The following PRR35 variants were observed in gnomAD, a reference collection of about 807,000 sequenced individuals.
PRR35 encodes proline rich 35.
A neutral mutation model predicts 18.6 loss-of-function variants in PRR35; 14 were observed. The ratio of observed to expected loss-of-function variants is 0.75; its 90% CI spans 0.50 to 1.18. PRR35 has a LOEUF of 1.18. Among genes scored for constraint, PRR35 ranks in the 50% most tolerant of loss-of-function variants. The pLI is 0.00. For synonymous variants in PRR35, 425 were observed against 378.2 expected, an observed-to-expected ratio of 1.12 and a Z score of -1.43; for missense variants, 832 against 792.2, an observed-to-expected ratio of 1.05 and a Z score of -0.60.
rs747782968 is a variant in PRR35 at position 563,925 on chromosome 16, G to A, written c.631G>A (p.Val211Ile). The change falls in exon 2 of 3, where the codon GTC becomes ATC. Residue 211 changes from valine (V) to isoleucine (I), a missense_variant. Physicochemically the swap from Val to Ile is conservative, Grantham distance 29. Coordinates refer to ENST00000409413, the MANE Select transcript of PRR35 (RefSeq NM_145270.3). Reference protein sequence around the residue: ...AHSLHLSLLGVNYPLSPGLFS... With the variant: ...AHSLHLSLLGINYPLSPGLFS... Reference sequence around the variant, plus strand: ...CAGCCTCCACCTGTCTCTGCTGGGCGTCAACTACCCGCTCAGCCCCGGCCT... The same window carrying A: ...CAGCCTCCACCTGTCTCTGCTGGGCATCAACTACCCGCTCAGCCCCGGCCT... The A allele has an allele frequency of 3.0e-5, 47 of 1,592,470 alleles. No homozygotes were observed. The highest frequency in any genetic ancestry group is 8.0e-5 in the South Asian group (7 of 87,800).
chr16:562,522 C>T lies in PRR35; in HGVS notation c.-39-734C>T, dbSNP rs564795137. 1.4e-3 allele frequency among the ~76,000 whole-genome samples: 171 copies of T among 122,368 alleles called. 5 individuals carry two copies. The South Asian group carries it at 0.022, about 15-fold the overall frequency. 80.3% of individuals were successfully genotyped at this position (122,368 alleles called of 152,430 possible). On this transcript the variant is annotated intron_variant, in intron 1 of 2. Coordinates refer to ENST00000409413, the MANE Select transcript of PRR35 (RefSeq NM_145270.3). The stretch of plus-strand genomic sequence containing the variant: ...GCACAGAGGCACATGCACACACAGG[C>T]GCACACACGTGTGCACACACACGCA...
Position 560,500 on chromosome 16 carries a change from G to A in PRR35, c.-201G>A. ...GGACCCGGGAGGTCCGGCTCCCGGC[G>A]CCGGGCCTCAGTTTCCCCCACGGGA... On this transcript the variant is annotated 5_prime_UTR_variant, in exon 1 of 3. Coordinates refer to ENST00000409413, the MANE Select transcript of PRR35 (RefSeq NM_145270.3). The A allele has an allele frequency of 1.0e-6, 1 of 982,776 alleles. No individual in the cohort carries two copies. Among genetic ancestry groups the A allele is most frequent in the Non-Finnish European group, 1.2e-6 (1 of 828,864 alleles). The allele number at this position is 982,776 out of a possible 1,614,324, so 60.9% of individuals were successfully genotyped here. A position where few individuals can be genotyped will look rare whatever the true frequency, so the allele number is the denominator to read the frequency against.
chr16:560,038 G>A (rs997666146), upstream of PRR35, among the ~76,000 whole-genome samples: 3 of 152,158 alleles, frequency 2.0e-5, no homozygotes, highest in Non-Finnish European at 4.4e-5. Flanking sequence ...CCATCACGCC[G>A]CGGCGGGGAC....
Position 564,395 on chromosome 16 carries a change from C to G in PRR35, c.1082+19C>G, listed in dbSNP as rs775489161. On this transcript the variant is annotated intron_variant, in intron 2 of 2. Coordinates refer to ENST00000409413, the MANE Select transcript of PRR35 (RefSeq NM_145270.3). ...GGAGCAGGTGGGCGTCTTGGGCTCCCGGTTCCTGGGGTGGACGGAGGGGCT... is the reference window on the plus strand; with the variant it reads ...GGAGCAGGTGGGCGTCTTGGGCTCCGGGTTCCTGGGGTGGACGGAGGGGCT... The G allele has an allele frequency of 5.0e-6, 8 of 1,589,266 alleles. No individual in the cohort carries two copies. The highest frequency in any genetic ancestry group is 6.8e-6 in the Non-Finnish European group (8 of 1,175,942).
In PRR35 at chr16:563,719, C is replaced by T. The variant is rs1310397026; in HGVS notation, c.425C>T (p.Pro142Leu). 5 of 1,542,096 alleles carry T rather than the reference C, an allele frequency of 3.2e-6. No individual in the cohort carries two copies. Among genetic ancestry groups the T allele is most frequent in the Non-Finnish European group, 4.4e-6 (5 of 1,148,186 alleles). Residue 142 changes from proline (P) to leucine (L), a missense_variant, in exon 2 of 3, where the codon CCC (proline) becomes CTC (leucine). Physicochemically the swap from Pro to Leu is moderately conservative, Grantham distance 98. Transcript: ENST00000409413. ...SRAKGSPGPP[P>L]PVARATRKGP... Reference sequence around the variant, plus strand: ...GCCAAGGGGTCCCCAGGGCCACCACCCCCTGTGGCTAGGGCCACCCGGAAG... The same window carrying T: ...GCCAAGGGGTCCCCAGGGCCACCACTCCCTGTGGCTAGGGCCACCCGGAAG...
chr16:565,202 C>T lies in PRR35; in HGVS notation c.1611C>T (p.Asp537=). The change falls in exon 3 of 3, where the codon GAC becomes GAT. Residue 537 remains aspartate, a synonymous_variant. Transcript: ENST00000409413. ...PPGLPLAAPD[D]PVIPGSGWGT... ...GGCTCCCCCTCGCAGCCCCAGATGA[C>T]CCTGTCATTCCTGGCAGTGGCTGGG... The T allele has an allele frequency of 6.2e-7, 1 of 1,610,868 alleles. No individual in the cohort carries two copies. Among genetic ancestry groups the T allele is most frequent in the Non-Finnish European group, 8.5e-7 (1 of 1,179,094 alleles).
intron 2 of PRR35, 31 bp from the exon 3 acceptor site, chr16:564,643 T>C: frequency 6.7e-7 from 1 of 1,495,658 alleles, no homozygotes; most frequent in Non-Finnish European, 8.9e-7. Context: ...GTGGGGGCAG[T>C]GCGGCCTCCT....
chr16:560,391 G>A (rs995501167), upstream of PRR35: 141 of 982,996 alleles, frequency 1.4e-4, no homozygotes, highest in Non-Finnish European at 1.7e-4. Context: ...CGCCTCTGCC[G>A]CCAACTTCGG....
chr16:561,276 C>T (rs1373919982), intron 1 of PRR35, among the ~76,000 whole-genome samples: 3 of 152,226 alleles, frequency 2.0e-5, no homozygotes, highest in Non-Finnish European at 4.4e-5. Context: ...GCTGCTGAGA[C>T]AGCCCCTTGG....
chr16:561,808 C>T, intron 1 of PRR35: 2 of 985,228 alleles, frequency 2.0e-6, no homozygotes, highest in Non-Finnish European at 2.4e-6. Context: ...CTGCGTGTGT[C>T]CTGGGGAGTC....
chr16:560,161 G>A (rs2035409204), upstream of PRR35, among the ~76,000 whole-genome samples: 1 of 151,110 alleles, frequency 6.6e-6, no homozygotes, highest in Non-Finnish European at 1.5e-5. Context: ...TCCGCTCTCC[G>A]TCCGCTGCCT....
chr16:565,427 A>C lies in PRR35; in HGVS notation c.*120A>C. On this transcript the variant is annotated 3_prime_UTR_variant, in exon 3 of 3. Coordinates refer to ENST00000409413, the MANE Select transcript of PRR35 (RefSeq NM_145270.3). ...TCCGCATGCATGTGGATAGACCCCC[A>C]CGGGCCGTGGCCAACGCTTGTCCCT... 1.8e-6 allele frequency: 2 copies of C among 1,097,462 alleles called. No individual in the cohort carries two copies. The highest frequency in any genetic ancestry group is 2.4e-6 in the Non-Finnish European group (2 of 824,820). 68.0% of individuals were successfully genotyped at this position (1,097,462 alleles called of 1,614,324 possible).
chr16:563,588 C>T lies in PRR35; in HGVS notation c.294C>T (p.Pro98=), dbSNP rs764156179. 19 of 1,598,316 alleles carry T rather than the reference C, an allele frequency of 1.2e-5. No homozygotes were observed. Among genetic ancestry groups the T allele is most frequent in the South Asian group, 3.3e-5 (3 of 89,852 alleles). ...CAGACCGCCCTGGGGAGTCCGACCC[C>T]GGCAGGCAACCCCAGGGAGCACGGC... The part of the protein sequence containing the change: ...PTPDRPGESD[P]GRQPQGARPT... The change falls in exon 2 of 3, where the codon CCC becomes CCT. Residue 98 remains proline, a synonymous_variant. Transcript: ENST00000409413.
rs1036851106 is a variant in PRR35, at chr16:565,055, G to A, written c.1464G>A (p.Glu488=). 1.3e-6 allele frequency: 2 copies of A among 1,594,644 alleles called. No homozygotes were observed. The highest frequency in any genetic ancestry group is 1.1e-5 in the South Asian group (1 of 88,946). ...QALGEAWGRP[E]LGPVLTGGTP... is the part of the protein sequence containing the mutation. Reference sequence around the variant, plus strand: ...TTGGAGAGGCGTGGGGGCGGCCCGAGCTGGGTCCCGTGTTGACCGGGGGCA... The same window carrying A: ...TTGGAGAGGCGTGGGGGCGGCCCGAACTGGGTCCCGTGTTGACCGGGGGCA... Residue 488 remains glutamate, a synonymous_variant, in exon 3 of 3, where the codon GAG becomes GAA. Transcript: ENST00000409413.
At chr16:560,384 C>T (rs2035412762), upstream of PRR35, 2 of 982,842 alleles carry the variant, frequency 2.0e-6, no homozygotes, top group Non-Finnish European at 1.2e-6. Flanking sequence ...GCGCGCCCGC[C>T]TCTGCCGCCA....
At position 563,270 on chromosome 16, in the gene PRR35, C is replaced by T. The variant is rs369474381; in HGVS notation, c.-25C>T. 142 of 1,576,258 alleles carry T rather than the reference C, an allele frequency of 9.0e-5. No homozygotes were observed. The highest frequency in any genetic ancestry group is 1.1e-4 in the Non-Finnish European group (127 of 1,164,784). On this transcript the variant is annotated 5_prime_UTR_variant, in exon 2 of 3. Coordinates refer to ENST00000409413, the MANE Select transcript of PRR35 (RefSeq NM_145270.3). ...CCCATCTACAGGTGGCCATGGTGCC[C>T]GGCCCTGCCTCATAGCAGGCTGCCA...
In PRR35 at chr16:564,780, G is replaced by A. The variant is rs550524536; in HGVS notation, c.1189G>A (p.Val397Met). Residue 397 changes from valine (V) to methionine (M), a missense_variant, in exon 3 of 3, where the codon GTG becomes ATG. Physicochemically the swap from Val to Met is conservative, Grantham distance 21. Around this residue, in one of 3 missense-constraint regions of PRR35, gnomAD observed 768 missense variants for 704.1 expected, o/e 1.09. Coordinates refer to ENST00000409413, the MANE Select transcript of PRR35 (RefSeq NM_145270.3). ...GPLPLQPRGP[V>M]PGSPEHVGED... is the part of the protein sequence containing the mutation. ...CCTCCCCCTGCAGCCACGGGGCCCA[G>A]TGCCAGGAAGCCCGGAGCATGTGGG... 55 of 1,546,356 alleles carry A rather than the reference G, an allele frequency of 3.6e-5. No individual in the cohort carries two copies. The African/African-American group carries it at 5.6e-4, about 16-fold the overall frequency.
chr16:562,165 G>A (rs368731814), intron 1 of PRR35, among the ~76,000 whole-genome samples: 4 of 152,234 alleles, frequency 2.6e-5, no homozygotes, highest in East Asian at 1.9e-4. Flanking sequence ...AGTGTGGCGC[G>A]CATACCAGCG....
chr16:561,910 C>T (rs867671590), intron 1 of PRR35: 5 of 357,844 alleles, frequency 1.4e-5, no homozygotes, highest in Non-Finnish European at 2.0e-5. Flanking sequence ...TGTGTTATCA[C>T]GGACAAGCAG....
Sources: gnomAD v4.1 joint callset for allele counts (sites outside exome capture counted in the v4.1 genomes callset) on GRCh38, gnomAD v4.1.1 for gene constraint, gnomAD v4.1.1 regional missense constraint, MANE v1.5 for transcripts, NCBI Gene and HGNC (gene_info 2026-07-23, HGNC 2026-07-21) for gene names.